The following VPS37A variants were observed in gnomAD, a reference collection of about 807,000 sequenced individuals.
VPS37A encodes VPS37A subunit of ESCRT-I.
VPS37A carries 30 observed loss-of-function variants against 49.8 expected under a neutral mutation model. The ratio of observed to expected loss-of-function variants is 0.60; its 90% CI spans 0.45 to 0.82. The LOEUF (loss-of-function observed/expected upper bound fraction) is 0.82. Among genes scored for constraint, VPS37A ranks in the 40% least tolerant of loss-of-function variants. The probability of loss-of-function intolerance (pLI) is 0.00; values close to 1 mark genes in which losing one functional copy is unlikely to be tolerated. For synonymous variants in VPS37A, 195 were observed against 160.6 expected (o/e 1.21, Z -1.62); for missense variants, 593 against 464.4 (o/e 1.28, Z -2.55).
chr8:17,313,712 T>C, the VPS37A span, among the ~76,000 whole-genome samples: 1 of 152,198 alleles, frequency 6.6e-6, no homozygotes, highest in Non-Finnish European at 1.5e-5. Context: ...TCGATTTGCC[T>C]TTCCAGCAAA....
chr8:17,306,161 G>T (rs1449698309), downstream of VPS37A, among the ~76,000 whole-genome samples: 2 of 152,084 alleles, frequency 1.3e-5, no homozygotes, highest in Non-Finnish European at 2.9e-5. Flanking sequence ...GGATAGAAGG[G>T]ATGCGTTCAC....
intron 4 of VPS37A, among the ~76,000 whole-genome samples, chr8:17,269,333 C>A (rs1246809491): frequency 6.6e-6 from 1 of 152,074 alleles, no homozygotes; most frequent in Admixed American, 6.5e-5. Flanking sequence ...TACTGTGACT[C>A]TCAATATTGT....
At chr8:17,318,002 A>C in the VPS37A span, among the ~76,000 whole-genome samples, 9 of 152,216 alleles carry the variant, frequency 5.9e-5, no homozygotes, top group African/African-American at 2.2e-4. Flanking sequence ...AGAAACAAGA[A>C]ATTCCTTTGG....
At chr8:17,255,395 C>T (rs1386215500) in intron 1 of VPS37A, among the ~76,000 whole-genome samples, 1 of 152,086 alleles carries the variant, frequency 6.6e-6, no homozygotes, top group Non-Finnish European at 1.5e-5. Flanking sequence ...GCAGGACAAT[C>T]ACGTGAACCT....
At chr8:17,331,441 T>C in the VPS37A span, among the ~76,000 whole-genome samples, 4 of 152,202 alleles carry the variant, frequency 2.6e-5, no homozygotes, top group Non-Finnish European at 5.9e-5. Context: ...CTGAACTACA[T>C]AGCTTCAGGG....
At chr8:17,277,423 G>T (rs13264837) in intron 6 of VPS37A, among the ~76,000 whole-genome samples, 1 of 151,876 alleles carries the variant, frequency 6.6e-6, no homozygotes, top group Admixed American at 6.6e-5. Context: ...ATGCAAAAAA[G>T]GTGAAGAAAC....
chr8:17,254,598 T>A (rs73200925), intron 1 of VPS37A, among the ~76,000 whole-genome samples: 11,867 of 152,236 alleles, frequency 0.078, 629 homozygotes, highest in South Asian at 0.19. Context: ...TGTTTTGGAT[T>A]GTGATTTTTT....
At chr8:17,286,569 G>A (rs551529793) in intron 11 of VPS37A, 142 bp downstream of exon 11, 1 of 620,748 alleles carries the variant, frequency 1.6e-6, no homozygotes, top group African/African-American at 1.8e-5. Context: ...AGAATGCTTT[G>A]TATTATATAA....
intron 11 of VPS37A, chr8:17,286,639 C>G (rs1182515812): frequency 2.2e-6 from 1 of 458,176 alleles, no homozygotes; most frequent in East Asian, 3.6e-5. Context: ...GTGATCTTGG[C>G]ATGAATGAGA....
downstream of VPS37A, chr8:17,301,504 A>G (rs1817109640): frequency 6.6e-6 from 1 of 152,282 alleles, no homozygotes. Context: ...TGGAAAATAA[A>G]GCTGAAAAGA....
At chr8:17,303,654 G>C (rs185971498), downstream of VPS37A, among the ~76,000 whole-genome samples, 678 of 150,276 alleles carry the variant, frequency 4.5e-3, 21 homozygotes, top group Admixed American at 0.041. Flanking sequence ...TTGTTGCCCA[G>C]GCTGGAGTGC....
At chr8:17,322,771 G>A in the VPS37A span, among the ~76,000 whole-genome samples, 1 of 152,112 alleles carries the variant, frequency 6.6e-6, no homozygotes, top group South Asian at 2.1e-4. Flanking sequence ...GCTGCTGTGA[G>A]CTACAGTTGC....
At chr8:17,267,756 G>T (rs960626173) in intron 2 of VPS37A, among the ~76,000 whole-genome samples, 8 of 152,070 alleles carry the variant, frequency 5.3e-5, no homozygotes, top group African/African-American at 1.9e-4. Context: ...TGAACTCCTG[G>T]GCTCAAGTGG....
chr8:17,276,897 C>T (rs1814566547), intron 6 of VPS37A, among the ~76,000 whole-genome samples: 1 of 151,808 alleles, frequency 6.6e-6, no homozygotes, highest in Admixed American at 6.6e-5. Flanking sequence ...AACTTTTTTT[C>T]AAATTTATAG....
At chr8:17,248,998 A>G (rs1811729312) in intron 1 of VPS37A, among the ~76,000 whole-genome samples, 1 of 152,256 alleles carries the variant, frequency 6.6e-6, no homozygotes, top group African/African-American at 2.4e-5. Context: ...TTGTTCCCTT[A>G]GAAGTTGTTA....
At chr8:17,328,156 T>C in the VPS37A span, among the ~76,000 whole-genome samples, 2 of 152,302 alleles carry the variant, frequency 1.3e-5, no homozygotes, top group South Asian at 2.1e-4. Context: ...AGATGGCAAG[T>C]TGATTGGCAG....
chr8:17,314,923 T>C, the VPS37A span, among the ~76,000 whole-genome samples: 1 of 152,126 alleles, frequency 6.6e-6, no homozygotes, highest in African/African-American at 2.4e-5. Context: ...GAAGACACTA[T>C]GTGTCTGATA....
chr8:17,263,779 A>G (rs757816232), intron 1 of VPS37A, among the ~76,000 whole-genome samples: 10 of 152,116 alleles, frequency 6.6e-5, no homozygotes, highest in African/African-American at 9.7e-5. Context: ...CCCCTTATCT[A>G]CAAAATATAT....
At chr8:17,331,211 A>C in the VPS37A span, 2 of 1,612,614 alleles carry the variant, frequency 1.2e-6, no homozygotes, top group South Asian at 1.1e-5. Context: ...CGATAAACTG[A>C]AACTTGATAT....
Sources: gnomAD v4.1 joint callset for allele counts (sites outside exome capture counted in the v4.1 genomes callset) on GRCh38, gnomAD v4.1.1 for gene constraint, MANE v1.5 for transcripts, NCBI Gene and HGNC (gene_info 2026-07-23, HGNC 2026-07-21) for gene names.